HSP90AA1: variants seen among roughly 807,000 people sequenced by gnomAD.
HSP90AA1 encodes the protein heat shock protein 90 alpha family class A member 1.
HSP90AA1 carries 18 observed loss-of-function variants against 73.3 expected under a neutral mutation model. That is an observed-to-expected ratio of 0.25 (90% CI 0.17 to 0.36). The LOEUF (loss-of-function observed/expected upper bound fraction) is 0.36. Ranked by LOEUF, HSP90AA1 falls within the 10% of genes least tolerant of loss-of-function variation. HSP90AA1 has a pLI of 1.00. For missense variants in HSP90AA1, 704 were observed against 874.2 expected, an observed-to-expected ratio of 0.81 and a Z score of 2.45; for synonymous variants, 477 against 296.9, an observed-to-expected ratio of 1.61 and a Z score of -6.24.
At chr14:102,129,611 TC>T (rs2049882623) in intron 1 of HSP90AA1, among the ~76,000 whole-genome samples, 1 of 151,268 alleles carries the variant, frequency 6.6e-6, no homozygotes, top group South Asian at 2.1e-4. Context: ...CAAGCAATTC[TC>T]CTGCCTCAGC....
intron 1 of HSP90AA1, among the ~76,000 whole-genome samples, chr14:102,126,794 C>T (rs1382243893): frequency 1.3e-5 from 2 of 152,208 alleles, no homozygotes; most frequent in Non-Finnish European, 1.5e-5. Flanking sequence ...TCCCAAAGTC[C>T]TGGGACTACA....
chr14:102,117,222 G>C (rs1207087907), intron 1 of HSP90AA1, among the ~76,000 whole-genome samples: 1 of 152,176 alleles, frequency 6.6e-6, no homozygotes, highest in Non-Finnish European at 1.5e-5. Context: ...AAAGTTGTAG[G>C]AAGTAGACCG....
At chr14:102,123,212 T>C (rs976334027) in intron 1 of HSP90AA1, among the ~76,000 whole-genome samples, 1 of 151,812 alleles carries the variant, frequency 6.6e-6, no homozygotes, top group African/African-American at 2.4e-5. Context: ...TTGACCAAGA[T>C]GGTGAAACCC....
chr14:102,087,087 C>A (rs2049262550), upstream of HSP90AA1: 1 of 984,840 alleles, frequency 1.0e-6, no homozygotes, highest in African/African-American at 1.8e-5. Flanking sequence ...GACGGGCCCG[C>A]CCAGCGCGCG....
chr14:102,098,384 A>C (rs1328855921), intron 2 of HSP90AA1, among the ~76,000 whole-genome samples: 1 of 141,138 alleles, frequency 7.1e-6, no homozygotes, highest in Non-Finnish European at 1.5e-5. Context: ...TTGGTCTCCA[A>C]CTCCTGACCT....
chr14:102,087,079 C>A, upstream of HSP90AA1: 10 of 984,094 alleles, frequency 1.0e-5, no homozygotes, highest in Non-Finnish European at 1.2e-5. Flanking sequence ...TATATAGCGA[C>A]GGGCCCGCCC....
At chr14:102,087,119 C>A (rs1017276490), upstream of HSP90AA1, 6 of 984,256 alleles carry the variant, frequency 6.1e-6, no homozygotes, top group African/African-American at 1.8e-5. Context: ...AGAAGCCTCC[C>A]GAACCTTCCG....
upstream of HSP90AA1, among the ~76,000 whole-genome samples, chr14:102,087,949 T>G (rs11623605): frequency 4.5e-5 from 4 of 88,830 alleles, no homozygotes; most frequent in Admixed American, 1.7e-4. Flanking sequence ...TTTTTTTTTT[T>G]TCTTTTTTTT....
At chr14:102,083,758 G>A (rs201331198) in intron 7 of HSP90AA1, 35 bp downstream of exon 7, 8 of 1,564,172 alleles carry the variant, frequency 5.1e-6, no homozygotes, top group Admixed American at 3.4e-5. Flanking sequence ...AAACTAAAGA[G>A]GCCAATTGGA....
chr14:102,130,671 G>A (rs759045883), intron 1 of HSP90AA1, among the ~76,000 whole-genome samples: 5 of 152,078 alleles, frequency 3.3e-5, no homozygotes, highest in African/African-American at 4.8e-5. Flanking sequence ...GCAGTGGTGT[G>A]ATCATAGCTC....
In HSP90AA1 at chr14:102,084,807, G is replaced by A. The variant is rs369417801; in HGVS notation, c.855C>T (p.Ile285=). 1 of 1,613,386 alleles carries A rather than the reference G, an allele frequency of 6.2e-7. No homozygotes were observed. The highest frequency in any genetic ancestry group is 2.2e-5 in the East Asian group (1 of 44,880). The change falls in exon 5 of 11, where the codon ATC becomes ATT. Residue 285 remains isoleucine (I), a synonymous_variant. Transcript: ENST00000216281. ...KKKKKIKEKY[I]DQEELNKTKP... is the part of the protein sequence containing the mutation. ...TTGTTTTGTTGAGCTCTTCTTGATC[G>A]ATGTACTTTTCCTTAATCTTCTTCT...
intron 1 of HSP90AA1, among the ~76,000 whole-genome samples, chr14:102,137,259 T>A (rs890610463): frequency 3.3e-5 from 5 of 151,944 alleles, no homozygotes; most frequent in South Asian, 2.1e-4. Flanking sequence ...AATTTTTTTT[T>A]AAATTCCCGG....
intron 2 of HSP90AA1, among the ~76,000 whole-genome samples, chr14:102,100,519 G>T (rs563894843): frequency 1.3e-5 from 2 of 149,806 alleles, no homozygotes; most frequent in Non-Finnish European, 3.0e-5. Context: ...TCCGCCTCCC[G>T]GGTTCAAGCG....
upstream of HSP90AA1, among the ~76,000 whole-genome samples, chr14:102,091,506 G>C (rs1233974444): frequency 6.6e-6 from 1 of 151,920 alleles, no homozygotes; most frequent in African/African-American, 2.4e-5. Context: ...CACACCTGTA[G>C]TCCCAGCTAC....
Position 102,086,199 on chromosome 14 carries a change from G to A in HSP90AA1, c.162+18C>T, listed in dbSNP as rs1189992748. On this transcript the variant is annotated intron_variant, in intron 2 of 10. Transcript: ENST00000216281. ...ACACTGAAACCAAAATCCGATTCTG[G>A]GTTAATAAGTGACTTACATCTGATG... is the stretch of plus-strand genomic sequence containing the variant. The A allele has an allele frequency of 2.5e-6, 4 of 1,614,008 alleles. No homozygotes were observed. The highest frequency in any genetic ancestry group is 2.2e-5 in the South Asian group (2 of 91,060).
At chr14:102,089,898 T>G (rs2152615847), upstream of HSP90AA1, among the ~76,000 whole-genome samples, 1 of 152,264 alleles carries the variant, frequency 6.6e-6, no homozygotes, top group East Asian at 1.9e-4. Flanking sequence ...AAGGCCTCCA[T>G]AACCACCTAA....
At chr14:102,123,370 A>G (rs1192217854) in intron 1 of HSP90AA1, among the ~76,000 whole-genome samples, 1 of 152,206 alleles carries the variant, frequency 6.6e-6, no homozygotes, top group Non-Finnish European at 1.5e-5. Flanking sequence ...TCTGGGCAAC[A>G]GAGCGAGACT....
chr14:102,128,817 AAGAAG>A (rs1285016677), intron 1 of HSP90AA1, among the ~76,000 whole-genome samples: 5 of 149,682 alleles, frequency 3.3e-5, no homozygotes, highest in Admixed American at 2.0e-4. Flanking sequence ...AAAGAAAGAA[AAGAAG>A]AGAAGAGGTA....
At chr14:102,084,652 C>T (rs2049179651) in intron 5 of HSP90AA1, 29 bp downstream of exon 5, 1 of 1,614,054 alleles carries the variant, frequency 6.2e-7, no homozygotes, top group Non-Finnish European at 8.5e-7. Context: ...AATCTAAGGA[C>T]AAGCTTGAAG....
Sources: gnomAD v4.1 joint callset for allele counts (sites outside exome capture counted in the v4.1 genomes callset) on GRCh38, gnomAD v4.1.1 for gene constraint, MANE v1.5 for transcripts, NCBI Gene and HGNC (gene_info 2026-07-23, HGNC 2026-07-21) for gene names.